PARP12: variants seen among roughly 807,000 people sequenced by gnomAD.
PARP12 encodes protein mono-ADP-ribosyltransferase PARP12.
Under a neutral mutation model 72.4 loss-of-function variants are expected in PARP12, and 59 were observed. The ratio of observed to expected loss-of-function variants is 0.81; its 90% CI spans 0.66 to 1.01. The LOEUF (loss-of-function observed/expected upper bound fraction) is 1.01. Ranked by LOEUF, PARP12 falls within the 50% of genes least tolerant of loss-of-function variation. PARP12 has a pLI of 0.00. For synonymous variants in PARP12, 403 were observed against 371.4 expected, an observed-to-expected ratio of 1.09 and a Z score of -0.98; for missense variants, 851 against 914.0, an observed-to-expected ratio of 0.93 and a Z score of 0.89.
intron 8 of PARP12, among the ~76,000 whole-genome samples, chr7:140,030,908 C>G (rs948311497): frequency 6.6e-6 from 1 of 152,072 alleles, no homozygotes; most frequent in African/African-American, 2.4e-5. Context: ...CACCCCTGAT[C>G]TAAGGTAATC....
At chr7:140,034,040 C>T (rs1157006774) in intron 8 of PARP12, 195 bp downstream of exon 8, 22 of 1,241,132 alleles carry the variant, frequency 1.8e-5, no homozygotes, top group Non-Finnish European at 2.1e-5. Flanking sequence ...AATTATGCAT[C>T]ACGAAGCTTC....
intron 4 of PARP12, among the ~76,000 whole-genome samples, chr7:140,052,521 T>C (rs115119322): frequency 5.7e-4 from 87 of 152,314 alleles, no homozygotes; most frequent in African/African-American, 2.0e-3. Flanking sequence ...TAATTTGATA[T>C]TTGTTCTTGC....
intron 4 of PARP12, among the ~76,000 whole-genome samples, chr7:140,048,415 A>G (rs977683664): frequency 1.3e-5 from 2 of 152,074 alleles, no homozygotes; most frequent in Admixed American, 1.3e-4. Flanking sequence ...TCAACAGCCT[A>G]TGTGAGGTTC....
intron 4 of PARP12, 151 bp from the exon 5 acceptor site, chr7:140,047,158 G>C: frequency 1.2e-6 from 1 of 802,620 alleles, no homozygotes. Context: ...GCATGCCTGA[G>C]CATTTAGATA....
Position 140,056,933 on chromosome 7 carries a change from C to A in PARP12, c.683G>T (p.Arg228Ile), listed in dbSNP as rs964099525. 1.9e-6 allele frequency: 3 copies of A among 1,613,964 alleles called. No individual in the cohort carries two copies. In the African/African-American group the frequency reaches 4.0e-5, roughly 22 times the overall value. ...DLVSRLPTIY[R>I]NAHDIKNKSS... The stretch of plus-strand genomic sequence containing the variant: ...CTTATTCTTGATGTCATGTGCATTT[C>A]TATAAATGGTAGGCAGCCTGCTCAC... The change falls in exon 3 of 12, where the codon AGA becomes ATA. Residue 228 changes from arginine to isoleucine, a missense_variant. Physicochemically the swap from Arg to Ile is moderately conservative, Grantham distance 97. This residue lies in a region of PARP12 where 492 missense variants were observed against 489.3 expected (regional missense o/e 1.01). Transcript: ENST00000263549.
intron 7 of PARP12, 108 bp downstream of exon 7, chr7:140,037,607 G>A: frequency 6.7e-7 from 1 of 1,501,026 alleles, no homozygotes; most frequent in East Asian, 2.3e-5. Context: ...TTTCTTTCCT[G>A]TACCCACCCA....
intron 4 of PARP12, among the ~76,000 whole-genome samples, chr7:140,051,454 G>A (rs894421638): frequency 5.3e-5 from 8 of 151,414 alleles, no homozygotes; most frequent in Non-Finnish European, 7.4e-5. Context: ...GCAGTGGCAC[G>A]GTCTCGGCTC....
intron 4 of PARP12, 32 bp from the exon 5 acceptor site, chr7:140,047,039 TG>T: frequency 6.3e-7 from 1 of 1,593,466 alleles, no homozygotes; most frequent in South Asian, 1.2e-5. Flanking sequence ...GTAAGATAGC[TG>T]GGCAATACAC....
At chr7:140,033,623 G>A (rs986160717) in intron 8 of PARP12, 1 of 985,386 alleles carries the variant, frequency 1.0e-6, no homozygotes, top group Non-Finnish European at 1.2e-6. Context: ...TAACACCAGA[G>A]GTTGAGATAG....
At chr7:140,041,908 G>A in intron 5 of PARP12, 69 bp from the exon 6 acceptor site, 1 of 1,334,954 alleles carries the variant, frequency 7.5e-7, no homozygotes, top group South Asian at 1.3e-5. Context: ...CTCAGCTTGA[G>A]AACATATAGC....
At position 140,024,789 on chromosome 7, in the gene PARP12, T is replaced by G; in HGVS notation, c.1877A>C (p.Glu626Ala). 6.2e-7 allele frequency: 1 copy of G among 1,614,126 alleles called. No individual in the cohort carries two copies. Among genetic ancestry groups the G allele is most frequent in the East Asian group, 2.2e-5 (1 of 44,882 alleles). ...AAAGGAGGCATTGCCCCTGACGAACTCGCCCACCAGCACCCGGGCCAGGAA... is the reference window on the plus strand; with the variant it reads ...AAAGGAGGCATTGCCCCTGACGAACGCGCCCACCAGCACCCGGGCCAGGAA... ...TMFLARVLVG[E>A]FVRGNASFVR... is the part of the protein sequence containing the mutation. The change falls in exon 12 of 12, where the codon GAG becomes GCG. Residue 626 changes from glutamate (E) to alanine (A), a missense_variant. By Grantham distance (107) the Glu-to-Ala change is moderately radical (BLOSUM62 -1). Around this residue, in one of 3 missense-constraint regions of PARP12, gnomAD observed 347 missense variants for 396.1 expected, o/e 0.88. Transcript: ENST00000263549.
chr7:140,043,294 A>G (rs1380726523), intron 5 of PARP12, among the ~76,000 whole-genome samples: 2 of 152,232 alleles, frequency 1.3e-5, no homozygotes, highest in Non-Finnish European at 2.9e-5. Flanking sequence ...AAAGTTAACA[A>G]AAACAAAATC....
intron 1 of PARP12, among the ~76,000 whole-genome samples, chr7:140,059,089 C>CT (rs1817327703): frequency 6.7e-6 from 1 of 148,354 alleles, no homozygotes. Context: ...GAGCGAGACT[C>CT]TGTCTCAAAA....
At chr7:140,054,283 C>A (rs1817092601) in intron 4 of PARP12, among the ~76,000 whole-genome samples, 1 of 152,164 alleles carries the variant, frequency 6.6e-6, no homozygotes, top group Non-Finnish European at 1.5e-5. Flanking sequence ...CAGTGAGGTC[C>A]TTTCCAGTTT....
chr7:140,026,332 G>A lies in PARP12; in HGVS notation c.1645C>T (p.Gln549Ter). 2 of 1,611,060 alleles carry A rather than the reference G, an allele frequency of 1.2e-6. No homozygotes were observed. The highest frequency in any genetic ancestry group is 1.7e-6 in the Non-Finnish European group (2 of 1,179,666). ...ACGGCCTTCCCTCCGTTCTGCTTCT[G>A]CATCTGTCCTTTTTGCCTAGAATCA... ...EVYQWQKGQM[Q>*]KQNGGKAVDE... The change falls in exon 11 of 12, where the codon CAG (glutamine) becomes TAG (stop). Residue 549 changes from glutamine (Q) to a stop codon, truncating the protein, a stop_gained. Transcript: ENST00000263549. LOFTEE classifies it high-confidence loss of function.
chr7:140,026,542 G>T (rs1318749888), intron 10 of PARP12, among the ~76,000 whole-genome samples, 194 bp from the exon 11 acceptor site: 1 of 152,186 alleles, frequency 6.6e-6, no homozygotes, highest in Non-Finnish European at 1.5e-5. Context: ...GGGGGATCGT[G>T]GGAGCTGGGT....
intron 4 of PARP12, among the ~76,000 whole-genome samples, chr7:140,047,308 A>C (rs1279375599): frequency 1.3e-5 from 2 of 152,186 alleles, no homozygotes; most frequent in African/African-American, 2.4e-5. Context: ...GTCATAGATA[A>C]ATGGATTAAT....
Position 140,027,307 on chromosome 7 carries a change from G to A in PARP12, c.1597C>T (p.Gln533Ter). The change falls in exon 10 of 12, where the codon CAG becomes TAG. Residue 533 changes from glutamine (Q) to a stop codon, truncating the protein, a stop_gained. Transcript: ENST00000263549. LOFTEE classifies it high-confidence loss of function. ...FYFVQKIERVQNLALWEVYQW... is the reference protein window; with the variant it reads ...FYFVQKIERV ...TAGACTTCCCAGAGGGCCAGGTTCT[G>A]TACTCGCTCAATCTTCTGAACAAAG... The A allele has an allele frequency of 1.2e-6, 2 of 1,613,982 alleles. No homozygotes were observed. The highest frequency in any genetic ancestry group is 8.5e-7 in the Non-Finnish European group (1 of 1,179,932).
At chr7:140,051,654 G>A (rs907046443) in intron 4 of PARP12, among the ~76,000 whole-genome samples, 2 of 152,168 alleles carry the variant, frequency 1.3e-5, no homozygotes, top group Admixed American at 1.3e-4. Context: ...GCCTCTCAAA[G>A]TGCTGAGATT....
Sources: gnomAD v4.1 joint callset for allele counts (sites outside exome capture counted in the v4.1 genomes callset) on GRCh38, gnomAD v4.1.1 for gene constraint, gnomAD v4.1.1 regional missense constraint, MANE v1.5 for transcripts, NCBI Gene and HGNC (gene_info 2026-07-23, HGNC 2026-07-21) for gene names.